EFCAB13: variants seen among roughly 807,000 people sequenced by gnomAD.
EFCAB13 encodes EF-hand calcium-binding domain-containing protein 13.
A neutral mutation model predicts 110.2 loss-of-function variants in EFCAB13; 91 were observed. That is an observed-to-expected ratio of 0.83 (90% CI 0.70 to 0.98). EFCAB13 has a LOEUF of 0.98. Ranked by LOEUF, EFCAB13 falls within the 50% of genes least tolerant of loss-of-function variation. The pLI, the probability that EFCAB13 is intolerant of heterozygous loss-of-function variation, is 0.00. For missense variants in EFCAB13, 968 were observed against 1,119.4 expected, an observed-to-expected ratio of 0.86 and a Z score of 1.93; for synonymous variants, 323 against 369.9, an observed-to-expected ratio of 0.87 and a Z score of 1.45.
At chr17:47,375,143 C>T (rs754097927) in intron 12 of EFCAB13, among the ~76,000 whole-genome samples, 177 bp downstream of exon 12, 14 of 151,712 alleles carry the variant, frequency 9.2e-5, no homozygotes, top group Non-Finnish European at 2.1e-4. Flanking sequence ...GGTCTCAAAC[C>T]CCTGGCCTCA....
intron 2 of EFCAB13, among the ~76,000 whole-genome samples, chr17:47,325,618 G>T (rs1236820568): frequency 6.6e-6 from 1 of 151,842 alleles, no homozygotes; most frequent in Non-Finnish European, 1.5e-5. Flanking sequence ...TTGCCTCGGG[G>T]CTTTTGTACT....
chr17:47,389,967 T>C (rs2065697212), intron 14 of EFCAB13, among the ~76,000 whole-genome samples: 1 of 152,216 alleles, frequency 6.6e-6, no homozygotes, highest in African/African-American at 2.4e-5. Flanking sequence ...ACATCTTCTT[T>C]AAAAGAATCA....
chr17:47,328,098 T>C (rs2143210693), intron 3 of EFCAB13, 171 bp from the exon 4 acceptor site: 1 of 494,050 alleles, frequency 2.0e-6, no homozygotes, highest in East Asian at 3.3e-5. Context: ...CTGTGATTTA[T>C]AGTCTACTAA....
chr17:47,372,714 T>C (rs1352392433), intron 11 of EFCAB13, among the ~76,000 whole-genome samples: 1 of 152,232 alleles, frequency 6.6e-6, no homozygotes, highest in Non-Finnish European at 1.5e-5. Flanking sequence ...TACAGTATTA[T>C]TGGTTGGCAG....
At position 47,363,535 on chromosome 17, in the gene EFCAB13, C is replaced by G. The variant is rs560820156; in HGVS notation, c.805+2014C>G. On this transcript the variant is annotated intron_variant, in intron 10 of 24. Transcript: ENST00000331493. ...CAAGTAAACCGAAAATTAAAATGCT[C>G]CATGGCAAATACTATAATAGAGTGT... Among the ~76,000 whole-genome samples, 33 of 151,548 alleles carry G rather than the reference C, an allele frequency of 2.2e-4. 1 individual carries two copies. In the South Asian group the frequency reaches 6.9e-3, roughly 32 times the overall value.
At chr17:47,407,972 G>A (rs987365961) in intron 20 of EFCAB13, among the ~76,000 whole-genome samples, 2 of 152,118 alleles carry the variant, frequency 1.3e-5, no homozygotes, top group Admixed American at 6.5e-5. Flanking sequence ...TGCCCACAGA[G>A]ATTTAGTCAT....
At chr17:47,366,626 T>C (rs1273418981) in intron 10 of EFCAB13, among the ~76,000 whole-genome samples, 1 of 152,212 alleles carries the variant, frequency 6.6e-6, no homozygotes, top group Admixed American at 6.5e-5. Context: ...AAGTGATACC[T>C]ATGACCATAT....
intron 23 of EFCAB13, among the ~76,000 whole-genome samples, chr17:47,426,478 C>T (rs542101131): frequency 3.2e-4 from 49 of 152,208 alleles, no homozygotes; most frequent in Non-Finnish European, 5.6e-4. Flanking sequence ...AAGAGTAAGT[C>T]GGTTACTTCA....
intron 24 of EFCAB13, among the ~76,000 whole-genome samples, chr17:47,432,399 AAAATAAATAAATAAAT>A (rs60375757): frequency 0.034 from 4,742 of 138,522 alleles, 150 homozygotes; most frequent in East Asian, 0.18. Flanking sequence ...ATCCATCTCA[AAAATAAATAAATAAAT>A]AAATAAATAA....
At chr17:47,325,921 AAAATATATATATATAT>A (rs1464623545) in intron 2 of EFCAB13, among the ~76,000 whole-genome samples, 23 of 62,452 alleles carry the variant, frequency 3.7e-4, no homozygotes, top group African/African-American at 1.6e-3. Flanking sequence ...ATATATAAAC[AAAATATATATATATAT>A]ATATATATAT....
Position 47,381,909 on chromosome 17 carries a change from T to A in EFCAB13, c.1582+2656T>A, listed in dbSNP as rs546582135. On this transcript the variant is annotated intron_variant, in intron 14 of 24. Transcript: ENST00000331493. ...TCTGTGAAGAAAGTCAATGGTAGCT[T>A]GATGGGGATAGCACTGAATCTATAA... Among the ~76,000 whole-genome samples the A allele has an allele frequency of 2.5e-3, 381 of 152,310 alleles. 4 individuals are homozygous for A. Among genetic ancestry groups the A allele is most frequent in the African/African-American group, 9.0e-3 (372 of 41,560 alleles).
chr17:47,357,559 C>T (rs574953791), intron 9 of EFCAB13, among the ~76,000 whole-genome samples: 8 of 152,266 alleles, frequency 5.3e-5, no homozygotes, highest in African/African-American at 1.2e-4. Context: ...GGATTACAAG[C>T]GCACACCACC....
Position 47,347,903 on chromosome 17 carries a change from A to C in EFCAB13, c.613A>C (p.Ile205Leu). Reference protein sequence around the residue: ...PVILCILRISISDLEMRQALK... With the variant: ...PVILCILRISLSDLEMRQALK... ...GATCCTTTGCATCTTGAGAATTTCT[A>C]TAAGTGATTTAGAAATGCGACAGGC... Residue 205 changes from isoleucine (I) to leucine (L), a missense_variant, in exon 9 of 25, where the codon ATA becomes CTA. Transcript: ENST00000331493. The C allele has an allele frequency of 6.5e-7, 1 of 1,542,992 alleles. No homozygotes were observed. The highest frequency in any genetic ancestry group is 8.8e-7 in the Non-Finnish European group (1 of 1,133,684).
At position 47,440,807 on chromosome 17, in the gene EFCAB13, A is replaced by G; in HGVS notation, c.*93A>G. The G allele has an allele frequency of 8.8e-7, 1 of 1,136,184 alleles. No homozygotes were observed. The highest frequency in any genetic ancestry group is 1.2e-6 in the Non-Finnish European group (1 of 834,732). The allele number at this position is 1,136,184 out of a possible 1,614,324, so 70.4% of individuals were successfully genotyped here. On this transcript the variant is annotated 3_prime_UTR_variant, in exon 25 of 25. Transcript: ENST00000331493. Reference sequence around the variant, plus strand: ...TGAAATTATTAGAAAATAATTTTTAAAACTTTTGACAAATCCAGTAGAATT... The same window carrying G: ...TGAAATTATTAGAAAATAATTTTTAGAACTTTTGACAAATCCAGTAGAATT...
intron 22 of EFCAB13, 46 bp from the exon 23 acceptor site, chr17:47,414,802 C>T: frequency 8.0e-7 from 1 of 1,245,980 alleles, no homozygotes. Flanking sequence ...TGTGCCAATT[C>T]AGTATCAGGT....
At position 47,374,514 on chromosome 17, in the gene EFCAB13, G is replaced by T. The variant is rs1317521411; in HGVS notation, c.920G>T (p.Arg307Ile). Residue 307 changes from arginine to isoleucine, a missense_variant, in exon 12 of 25, where the codon AGA (arginine) becomes ATA (isoleucine). Coordinates refer to ENST00000331493, the MANE Select transcript of EFCAB13 (RefSeq NM_152347.5). ...CCTTTGAATGAAATTACTTCAGACA[G>T]AAAGTTATCAAGTGTAGCAGGATGC... ...GSPLNEITSD[R>I]KLSSVAGCYL... 3 of 1,555,394 alleles carry T rather than the reference G, an allele frequency of 1.9e-6. No homozygotes were observed. Among genetic ancestry groups the T allele is most frequent in the Admixed American group, 2.2e-5 (1 of 45,092 alleles).
At chr17:47,433,701 G>A (rs1400490462) in intron 24 of EFCAB13, among the ~76,000 whole-genome samples, 2 of 151,996 alleles carry the variant, frequency 1.3e-5, no homozygotes, top group African/African-American at 2.4e-5. Context: ...TTCTTCGGCA[G>A]GGACGATTTA....
At position 47,374,874 on chromosome 17, in the gene EFCAB13, G is replaced by A. The variant is rs781776747; in HGVS notation, c.1280G>A (p.Ser427Asn). The A allele has an allele frequency of 6.2e-6, 10 of 1,612,640 alleles. No homozygotes were observed. The highest frequency in any genetic ancestry group is 1.6e-4 in the Middle Eastern group (1 of 6,078). ...SKSLDKSDIS[S>N]IPKLQKPAVR... ...TCTCTGGATAAAAGTGATATTTCTA[G>A]TATCCCAAAACTTCAGAAGCCAGCT... Residue 427 changes from serine to asparagine, a missense_variant, in exon 12 of 25, where the codon AGT (serine) becomes AAT (asparagine). By Grantham distance (46) the Ser-to-Asn change is conservative (BLOSUM62 1). Transcript: ENST00000331493.
At chr17:47,429,438 T>G (rs982037696) in intron 23 of EFCAB13, among the ~76,000 whole-genome samples, 2 of 152,200 alleles carry the variant, frequency 1.3e-5, no homozygotes, top group Non-Finnish European at 2.9e-5. Flanking sequence ...GGATGGGCTT[T>G]GGAACTATAG....
Sources: gnomAD v4.1 joint callset for allele counts (sites outside exome capture counted in the v4.1 genomes callset) on GRCh38, gnomAD v4.1.1 for gene constraint, MANE v1.5 for transcripts, NCBI Gene and HGNC (gene_info 2026-07-23, HGNC 2026-07-21) for gene names.